OSBP2: variants seen among roughly 807,000 people sequenced by gnomAD.
The protein encoded by OSBP2 is oxysterol binding protein 2.
A neutral mutation model predicts 96.0 loss-of-function variants in OSBP2; 66 were observed. That is an observed-to-expected ratio of 0.69 (90% confidence interval 0.56 to 0.84). The LOEUF (loss-of-function observed/expected upper bound fraction) is 0.84, where lower values mean the gene tolerates loss of function less well. OSBP2 is among the 40% of genes least tolerant of loss of function. The pLI, the probability that OSBP2 is intolerant of heterozygous loss-of-function variation, is 0.00. For missense variants in OSBP2, 1,038 were observed against 1,222.7 expected (o/e 0.85, Z 2.25); for synonymous variants, 525 against 520.9 (o/e 1.01, Z -0.11).
intron 2 of OSBP2, among the ~76,000 whole-genome samples, chr22:30,749,290 T>C (rs1422081873): frequency 6.6e-6 from 1 of 152,228 alleles, no homozygotes; most frequent in African/African-American, 2.4e-5. Flanking sequence ...AAGAATGCTT[T>C]TGTGTTTTTA....
intron 1 of OSBP2, among the ~76,000 whole-genome samples, chr22:30,735,059 G>A (rs1240205477): frequency 6.6e-6 from 1 of 152,172 alleles, no homozygotes; most frequent in Non-Finnish European, 1.5e-5. Flanking sequence ...TGGCATGGTG[G>A]CACATGCCTA....
At position 30,881,025 on chromosome 22, in the gene OSBP2, A is replaced by AC. The variant is rs746434592; in HGVS notation, c.1108-6395dup. ...CAGGTGGGGCTGCCCCAGGGCGGAG[A>AC]CCCCCCTTGTCTGTCGAGCTTTGTG... On this transcript the variant is annotated intron_variant, in intron 3 of 13. Coordinates refer to ENST00000332585, the MANE Select transcript of OSBP2 (RefSeq NM_030758.4). This position sits in a 1 kb window ranked among gnomAD's most constrained non-coding sequence, Gnocchi z 4.5. 6.2e-4 allele frequency among the ~76,000 whole-genome samples: 93 copies of AC among 151,210 alleles called. 1 individual carries two copies. Among genetic ancestry groups the AC allele is most frequent in the Middle Eastern group, 6.8e-3 (2 of 294 alleles).
intron 2 of OSBP2, among the ~76,000 whole-genome samples, chr22:30,783,449 G>A (rs542140981): frequency 6.6e-6 from 1 of 150,916 alleles, no homozygotes; most frequent in South Asian, 2.1e-4. Context: ...TCAGTCCCAA[G>A]TAGCTGGGAC....
At chr22:30,764,192 T>C in intron 2 of OSBP2, 5 of 969,376 alleles carry the variant, frequency 5.2e-6, no homozygotes, top group Non-Finnish European at 6.1e-6. Context: ...ATGTCATAAC[T>C]CTATTCTGAT....
chr22:30,726,680 C>T (rs963715780), intron 1 of OSBP2, among the ~76,000 whole-genome samples: 2 of 152,132 alleles, frequency 1.3e-5, no homozygotes, highest in African/African-American at 4.8e-5. Flanking sequence ...AGTAATGTGA[C>T]ATTCAGTGAT....
intron 8 of OSBP2, among the ~76,000 whole-genome samples, chr22:30,891,893 G>A (rs1244315722): frequency 6.6e-6 from 1 of 152,204 alleles, no homozygotes; most frequent in Non-Finnish European, 1.5e-5. Context: ...ATGGGGCTGG[G>A]AAAGCAAGGC....
At chr22:30,750,916 AT>A (rs2090066697) in intron 2 of OSBP2, among the ~76,000 whole-genome samples, 1 of 151,912 alleles carries the variant, frequency 6.6e-6, no homozygotes, top group African/African-American at 2.4e-5. Flanking sequence ...TAATTTTTGT[AT>A]TTTTAATAGA....
At position 30,800,249 on chromosome 22, in the gene OSBP2, T is replaced by G. The variant is rs375514199; in HGVS notation, c.853+58880T>G. 2.6e-5 allele frequency among the ~76,000 whole-genome samples: 4 copies of G among 152,232 alleles called. No individual in the cohort carries two copies. The East Asian group carries it at 7.7e-4, about 29-fold the overall frequency. ...CCAGAAGGCAAGAACTCATAGATTTTCTGGAGGAGCTTACGAGAGGGGGCA... is the reference window on the plus strand; with the variant it reads ...CCAGAAGGCAAGAACTCATAGATTTGCTGGAGGAGCTTACGAGAGGGGGCA... On this transcript the variant is annotated intron_variant, in intron 2 of 13. Transcript: ENST00000332585.
chr22:30,789,100 G>C (rs2090636995), intron 2 of OSBP2, among the ~76,000 whole-genome samples: 1 of 152,236 alleles, frequency 6.6e-6, no homozygotes, highest in South Asian at 2.1e-4. Flanking sequence ...CCCATTTATA[G>C]TATGTCTGGA....
intron 2 of OSBP2, among the ~76,000 whole-genome samples, chr22:30,865,818 A>G (rs1005080825): frequency 1.3e-5 from 2 of 152,054 alleles, no homozygotes; most frequent in African/African-American, 4.8e-5. Context: ...GGACCAGCAC[A>G]CTTACCCAAG....
In OSBP2 at chr22:30,870,827, C is replaced by T; in HGVS notation, c.1107+145C>T. 1 of 809,702 alleles carries T rather than the reference C, an allele frequency of 1.2e-6. No homozygotes were observed. Among genetic ancestry groups the T allele is most frequent in the Non-Finnish European group, 1.9e-6 (1 of 522,932 alleles). The allele number at this position is 809,702 out of a possible 1,614,324, so 50.2% of individuals were successfully genotyped here. On this transcript the variant is annotated intron_variant, in intron 3 of 13. Transcript: ENST00000332585. This position sits in a 1 kb window ranked among gnomAD's most constrained non-coding sequence, Gnocchi z 4.1. ...GTTTCCCAAAGCCAGCGCCCCCCAG[C>T]TAGCTTCCGAGTTCTTAAATCATCT...
intron 1 of OSBP2, among the ~76,000 whole-genome samples, chr22:30,728,288 G>A (rs1247251880): frequency 6.6e-6 from 1 of 151,796 alleles, no homozygotes; most frequent in Non-Finnish European, 1.5e-5. Context: ...CCCAGCACTC[G>A]GGAGGCTGAG....
rs141281548 is a variant in OSBP2 at position 30,887,996 on chromosome 22, G to C, written c.1301-227G>C. On this transcript the variant is annotated intron_variant, in intron 4 of 13. Coordinates refer to ENST00000332585, the MANE Select transcript of OSBP2 (RefSeq NM_030758.4). ...CTGACCCACATGTTGAGAGATCGGG[G>C]GGGCTTCCAGAAAGAGGCTCCTGTG... Among the ~76,000 whole-genome samples, 667 of 152,248 alleles carry C rather than the reference G, an allele frequency of 4.4e-3. 1 individual carries two copies. Among genetic ancestry groups the C allele is most frequent in the Non-Finnish European group, 7.7e-3 (526 of 68,006 alleles).
chr22:30,810,776 G>A (rs2090995806), intron 2 of OSBP2, among the ~76,000 whole-genome samples: 1 of 152,194 alleles, frequency 6.6e-6, no homozygotes, highest in South Asian at 2.1e-4. Flanking sequence ...CTGCCTGCCA[G>A]GTTGGTCTGT....
chr22:30,817,818 T>A (rs1327663058), intron 2 of OSBP2, among the ~76,000 whole-genome samples: 2 of 152,086 alleles, frequency 1.3e-5, no homozygotes, highest in African/African-American at 4.8e-5. Flanking sequence ...TAAATAGGAA[T>A]CTACAGTGGG....
rs192648784 is a variant in OSBP2 at position 30,782,102 on chromosome 22, C to A, written c.853+40733C>A. Among the ~76,000 whole-genome samples the A allele has an allele frequency of 3.3e-5, 5 of 152,228 alleles. No individual in the cohort carries two copies. In the East Asian group the frequency reaches 7.7e-4, roughly 24 times the overall value. On this transcript the variant is annotated intron_variant, in intron 2 of 13. Coordinates refer to ENST00000332585, the MANE Select transcript of OSBP2 (RefSeq NM_030758.4). ...TGGAGGTTGCAGTGAGCCGAGATTACGCCACTGCACTCCAGCCACGGCGGC... is the reference window on the plus strand; with the variant it reads ...TGGAGGTTGCAGTGAGCCGAGATTAAGCCACTGCACTCCAGCCACGGCGGC...
intron 2 of OSBP2, among the ~76,000 whole-genome samples, chr22:30,759,047 A>G (rs1269858226): frequency 6.6e-6 from 1 of 152,202 alleles, no homozygotes; most frequent in Admixed American, 6.5e-5. Context: ...GCTGGCACAC[A>G]TGTGGAACAG....
At chr22:30,887,262 C>T (rs1417257498) in intron 3 of OSBP2, among the ~76,000 whole-genome samples, 164 bp from the exon 4 acceptor site, 1 of 152,164 alleles carries the variant, frequency 6.6e-6, no homozygotes, top group Non-Finnish European at 1.5e-5. Flanking sequence ...GTATCTCATC[C>T]TGTGACTTAG....
At position 30,747,537 on chromosome 22, in the gene OSBP2, A is replaced by G. The variant is rs568503375; in HGVS notation, c.853+6168A>G. ...CAAATGGTAAACATTATGTATGTTT[A>G]CATCCACACACACGTATAAAATTAT... On this transcript the variant is annotated intron_variant, in intron 2 of 13. Transcript: ENST00000332585. Among the ~76,000 whole-genome samples the G allele has an allele frequency of 5.9e-5, 9 of 152,368 alleles. No homozygotes were observed. The East Asian group carries it at 1.5e-3, about 26-fold the overall frequency.
Sources: allele counts gnomAD v4.1 joint callset (sites outside exome capture counted in the v4.1 genomes callset), GRCh38; gene constraint gnomAD v4.1.1; non-coding constraint Gnocchi (gnomAD v3.1); transcripts MANE v1.5; gene names NCBI Gene and HGNC (gene_info 2026-07-23, HGNC 2026-07-21).